Variants in RIPK2 observed in about 807,000 individuals in gnomAD.
RIPK2 encodes the protein receptor interacting serine/threonine kinase 2.
RIPK2 carries 38 observed loss-of-function variants against 60.9 expected under a neutral mutation model. That is an observed-to-expected ratio of 0.62 (90% CI 0.48 to 0.82). The LOEUF is 0.82. Among genes scored for constraint, RIPK2 ranks in the 40% least tolerant of loss-of-function variants. RIPK2 has a pLI of 0.00. For missense variants in RIPK2, 518 were observed against 647.0 expected, an observed-to-expected ratio of 0.80 and a Z score of 2.16; for synonymous variants, 225 against 223.4, an observed-to-expected ratio of 1.01 and a Z score of -0.06.
chr8:89,774,573 C>T (rs1166148161), intron 6 of RIPK2, among the ~76,000 whole-genome samples: 5 of 152,296 alleles, frequency 3.3e-5, no homozygotes, highest in Non-Finnish European at 7.3e-5. Context: ...TATGTTCACA[C>T]AGTTGTATGT....
At chr8:89,767,054 C>G (rs1036219528) in intron 3 of RIPK2, among the ~76,000 whole-genome samples, 5 of 151,764 alleles carry the variant, frequency 3.3e-5, no homozygotes, top group African/African-American at 4.8e-5. Context: ...GCTGTCATCT[C>G]TAAGCACTTT....
chr8:89,779,932 T>C (rs1809470704), intron 6 of RIPK2, 143 bp from the exon 7 acceptor site: 1 of 571,960 alleles, frequency 1.7e-6, no homozygotes, highest in Non-Finnish European at 3.1e-6. Context: ...TATCTTTATG[T>C]CAGTAATAAA....
rs1184679531 is a variant in RIPK2, at chr8:89,791,055, C to G, written c.*639C>G. 2 of 152,148 alleles carry G rather than the reference C, an allele frequency of 1.3e-5. No homozygotes were observed. The highest frequency in any genetic ancestry group is 1.3e-4 in the Admixed American group (2 of 15,264). The allele number at this position is 152,148 out of a possible 1,614,324, so 9.4% of individuals were successfully genotyped here. On this transcript the variant is annotated 3_prime_UTR_variant, in exon 11 of 11. Coordinates refer to ENST00000220751, the MANE Select transcript of RIPK2 (RefSeq NM_003821.6). ...AACCAAGCTAAATAAAGTCAACAGC[C>G]TGATGTGTATCTTTCTGTCCCTTTC...
intron 8 of RIPK2, 89 bp downstream of exon 8, chr8:89,784,228 T>TAA: frequency 2.6e-6 from 2 of 781,364 alleles, no homozygotes; most frequent in South Asian, 5.0e-5. Flanking sequence ...GCCCTTCTTT[T>TAA]ATAGAAGGAA....
intron 6 of RIPK2, 38 bp from the exon 7 acceptor site, chr8:89,780,037 C>A: frequency 2.0e-6 from 2 of 998,010 alleles, no homozygotes; most frequent in Non-Finnish European, 3.0e-6. Context: ...TACTTAGAAG[C>A]AATCTGAACT....
chr8:89,777,566 A>G (rs1809419360), intron 6 of RIPK2, among the ~76,000 whole-genome samples: 1 of 133,390 alleles, frequency 7.5e-6, no homozygotes, highest in African/African-American at 3.2e-5. Context: ...CTTTGTATCT[A>G]ATAGTACAGT....
chr8:89,780,312 A>G (rs953081148), intron 7 of RIPK2, 152 bp downstream of exon 7: 2 of 421,370 alleles, frequency 4.7e-6, no homozygotes, highest in African/African-American at 4.2e-5. Flanking sequence ...GAGACTATGA[A>G]TACTACTTTT....
At chr8:89,778,277 G>A (rs1006937589) in intron 6 of RIPK2, among the ~76,000 whole-genome samples, 3 of 151,734 alleles carry the variant, frequency 2.0e-5, no homozygotes, top group Non-Finnish European at 4.4e-5. Flanking sequence ...GTAGCAGAGA[G>A]GAATCATATA....
At chr8:89,763,979 C>T (rs1809185737) in intron 2 of RIPK2, among the ~76,000 whole-genome samples, 1 of 152,080 alleles carries the variant, frequency 6.6e-6, no homozygotes, top group African/African-American at 2.4e-5. Flanking sequence ...GATACTCTGG[C>T]ACCCAAATTT....
chr8:89,775,206 G>A (rs1809377041), intron 6 of RIPK2, among the ~76,000 whole-genome samples: 1 of 152,108 alleles, frequency 6.6e-6, no homozygotes, highest in Non-Finnish European at 1.5e-5. Flanking sequence ...GGGAGACCAA[G>A]GCAGAGGGAT....
rs1238194069 is a variant in RIPK2, at chr8:89,758,209, A to G, written c.149A>G (p.His50Arg). The G allele has an allele frequency of 5.6e-6, 9 of 1,609,318 alleles. No individual in the cohort carries two copies. Among genetic ancestry groups the G allele is most frequent in the South Asian group, 1.1e-5 (1 of 90,428 alleles). ...WRVQVAVKHL[H>R]IHTPLLDSER... ...GTCCAGGTGGCCGTGAAGCACCTGC[A>G]CATCCACACTCCGCTGCTCGACAGG... is the stretch of plus-strand genomic sequence containing the variant. The change falls in exon 1 of 11, where the codon CAC becomes CGC. Residue 50 changes from histidine to arginine, a missense_variant. His to Arg is a conservative substitution (Grantham distance 29, BLOSUM62 0). Transcript: ENST00000220751.
rs539204530 is a variant in RIPK2 at position 89,781,537 on chromosome 8, T to C, written c.939+1377T>C. Among the ~76,000 whole-genome samples the C allele has an allele frequency of 2.0e-5, 3 of 152,202 alleles. No homozygotes were observed. The South Asian group carries it at 6.2e-4, about 32-fold the overall frequency. Reference sequence around the variant, plus strand: ...CGTGGGCTACCACACTCAGCTACTTTTTAAGTTGCCATATTTTTTCCACTC... The same window carrying C: ...CGTGGGCTACCACACTCAGCTACTTCTTAAGTTGCCATATTTTTTCCACTC... On this transcript the variant is annotated intron_variant, in intron 7 of 10. Transcript: ENST00000220751.
chr8:89,782,831 C>G (rs553077626), intron 7 of RIPK2, among the ~76,000 whole-genome samples: 15 of 152,206 alleles, frequency 9.9e-5, no homozygotes, highest in Non-Finnish European at 1.9e-4. Context: ...TTCTTAGGGA[C>G]AGATTCACTA....
intron 6 of RIPK2, among the ~76,000 whole-genome samples, chr8:89,774,438 T>C (rs184376285): frequency 6.6e-6 from 1 of 152,146 alleles, no homozygotes; most frequent in Non-Finnish European, 1.5e-5. Context: ...GTATACATTG[T>C]TGGTGGGAAT....
intron 6 of RIPK2, among the ~76,000 whole-genome samples, chr8:89,778,565 T>C (rs1225930645): frequency 6.6e-6 from 1 of 152,222 alleles, no homozygotes; most frequent in Non-Finnish European, 1.5e-5. Context: ...ATGATAACAA[T>C]GTGTGGTCCT....
intron 1 of RIPK2, 47 bp downstream of exon 1, chr8:89,758,280 C>A (rs771315848): frequency 7.4e-5 from 111 of 1,506,662 alleles, no homozygotes; most frequent in Non-Finnish European, 9.3e-5. Context: ...ACTCCTGCAT[C>A]CCCTCAAGCC....
chr8:89,777,073 C>T (rs1420826416), intron 6 of RIPK2, among the ~76,000 whole-genome samples: 1 of 152,104 alleles, frequency 6.6e-6, no homozygotes, highest in Non-Finnish European at 1.5e-5. Flanking sequence ...TGTGGGTAGA[C>T]CAAGGCAGAC....
chr8:89,780,736 C>T (rs1033818338), intron 7 of RIPK2: 5 of 151,908 alleles, frequency 3.3e-5, no homozygotes, highest in Non-Finnish European at 5.9e-5. Context: ...TTCTGAGATT[C>T]CTCGCCAAGT....
At chr8:89,784,214 C>A in intron 8 of RIPK2, 75 bp downstream of exon 8, 1 of 900,274 alleles carries the variant, frequency 1.1e-6, no homozygotes, top group Non-Finnish European at 1.6e-6. Flanking sequence ...ATCATTTGGT[C>A]TAAGCCCTTC....
Sources: gnomAD v4.1 joint callset for allele counts (sites outside exome capture counted in the v4.1 genomes callset) on GRCh38, gnomAD v4.1.1 for gene constraint, MANE v1.5 for transcripts, NCBI Gene and HGNC (gene_info 2026-07-23, HGNC 2026-07-21) for gene names.